AIG1: variants seen among roughly 807,000 people sequenced by gnomAD.
AIG1 encodes the protein androgen-induced gene 1 protein.
Under a neutral mutation model 31.4 loss-of-function variants are expected in AIG1, and 23 were observed. The ratio of observed to expected loss-of-function variants is 0.73; its 90% CI spans 0.53 to 1.04. The LOEUF (loss-of-function observed/expected upper bound fraction) is 1.04, where lower values mean the gene tolerates loss of function less well. AIG1 is among the 50% of genes least tolerant of loss of function. The pLI, the probability that AIG1 is intolerant of heterozygous loss-of-function variation, is 0.00. For synonymous variants in AIG1, 100 were observed against 110.5 expected, an observed-to-expected ratio of 0.90 and a Z score of 0.60; for missense variants, 274 against 295.0, an observed-to-expected ratio of 0.93 and a Z score of 0.52.
chr6:143,166,250 TA>T (rs1786931539), intron 3 of AIG1, among the ~76,000 whole-genome samples: 1 of 152,202 alleles, frequency 6.6e-6, no homozygotes, highest in Non-Finnish European at 1.5e-5. Context: ...CTTGAAGGAT[TA>T]ACATGGCACC....
At chr6:143,233,251 T>C (rs1255884036) in intron 3 of AIG1, among the ~76,000 whole-genome samples, 2 of 152,146 alleles carry the variant, frequency 1.3e-5, no homozygotes, top group Non-Finnish European at 2.9e-5. Context: ...ACTGCAGACA[T>C]TTTTTAAATC....
At chr6:143,114,608 A>G (rs1406144736) in intron 1 of AIG1, among the ~76,000 whole-genome samples, 1 of 152,242 alleles carries the variant, frequency 6.6e-6, no homozygotes, top group Admixed American at 6.5e-5. Context: ...GGTTGTAAGT[A>G]TGTATTTTTC....
chr6:143,303,004 T>C (rs1395687427), intron 4 of AIG1, among the ~76,000 whole-genome samples: 2 of 152,228 alleles, frequency 1.3e-5, no homozygotes, highest in African/African-American at 2.4e-5. Context: ...CATGTGTTTT[T>C]TGGCTGCATA....
chr6:143,252,595 C>CT (rs1795085841), intron 3 of AIG1, among the ~76,000 whole-genome samples: 1 of 152,180 alleles, frequency 6.6e-6, no homozygotes, highest in Non-Finnish European at 1.5e-5. Context: ...ATTAGGGGCC[C>CT]TGTTGAACTG....
At chr6:143,085,482 G>T (rs137979815) in intron 1 of AIG1, among the ~76,000 whole-genome samples, 1 of 152,114 alleles carries the variant, frequency 6.6e-6, no homozygotes, top group Admixed American at 6.5e-5. Flanking sequence ...CTTTTCCAGC[G>T]TGCCCAACAT....
intron 1 of AIG1, among the ~76,000 whole-genome samples, chr6:143,062,566 T>C (rs560958976): frequency 6.6e-6 from 1 of 152,288 alleles, no homozygotes; most frequent in South Asian, 2.1e-4. Context: ...AAAGTCTTAT[T>C]GGGTTGATTG....
chr6:143,343,458 A>G (rs1777897159), downstream of AIG1: 3 of 335,470 alleles, frequency 8.9e-6, no homozygotes, highest in South Asian at 1.2e-4. Context: ...CCCTAGAGTG[A>G]TCATGGCTAC....
rs1789442590 is a variant in AIG1, at chr6:143,188,148, G to A, written c.399+22965G>A. On this transcript the variant is annotated intron_variant, in intron 3 of 5. Coordinates refer to ENST00000357847, the MANE Select transcript of AIG1 (RefSeq NM_016108.4). ...GCCGCAAATGAGGATGAAGTTAATG[G>A]ATAGAGAAAAGATGGGAGGAAGAGG... The A allele has an allele frequency of 3.0e-5, 30 of 1,001,700 alleles. No homozygotes were observed. In the South Asian group the frequency reaches 9.5e-4, roughly 32 times the overall value. 62.1% of individuals were successfully genotyped at this position (1,001,700 alleles called of 1,614,324 possible). A position where few individuals can be genotyped will look rare whatever the true frequency, so the allele number is the denominator to read the frequency against.
At chr6:143,193,438 G>C (rs989345980) in intron 3 of AIG1, among the ~76,000 whole-genome samples, 2 of 152,150 alleles carry the variant, frequency 1.3e-5, no homozygotes, top group African/African-American at 2.4e-5. Flanking sequence ...GAAGTAGTGA[G>C]AATATATAGA....
chr6:143,156,909 G>C lies in AIG1; in HGVS notation c.298-8173G>C, dbSNP rs55936628. 3.6e-3 allele frequency among the ~76,000 whole-genome samples: 555 copies of C among 152,312 alleles called. 1 individual carries two copies. The highest frequency in any genetic ancestry group is 0.013 in the African/African-American group (536 of 41,570). On this transcript the variant is annotated intron_variant, in intron 2 of 5. Transcript: ENST00000357847. ...TTCCCTGTAGCTGAGGGCAACTCCT[G>C]TTGAAGGATGCAGCTAAGAATGGCC...
rs374256666 is a variant in AIG1, at chr6:143,187,847, G to A, written c.399+22664G>A. Reference sequence around the variant, plus strand: ...GCCTTCAAGAAGTGCCATTTCTCAAGCGATGTACAGAAGGGTATCCGCAGC... The same window carrying A: ...GCCTTCAAGAAGTGCCATTTCTCAAACGATGTACAGAAGGGTATCCGCAGC... On this transcript the variant is annotated intron_variant, in intron 3 of 5. Transcript: ENST00000357847. 309 of 1,452,126 alleles carry A rather than the reference G, an allele frequency of 2.1e-4. 6 individuals carry two copies. In the South Asian group the frequency reaches 4.3e-3, roughly 20 times the overall value. The allele number at this position is 1,452,126 out of a possible 1,614,324, so 90.0% of individuals were successfully genotyped here.
At chr6:143,066,633 A>T (rs946339585) in intron 1 of AIG1, among the ~76,000 whole-genome samples, 13 of 152,238 alleles carry the variant, frequency 8.5e-5, no homozygotes, top group Non-Finnish European at 1.5e-4. Flanking sequence ...ATAACAAAAA[A>T]ATGTAAGAAA....
intron 3 of AIG1, among the ~76,000 whole-genome samples, chr6:143,211,690 C>T (rs957334695): frequency 2.6e-5 from 4 of 151,986 alleles, no homozygotes; most frequent in African/African-American, 7.3e-5. Flanking sequence ...GTCAGGAGTT[C>T]GAGACCAGTC....
chr6:143,245,238 A>G (rs1044629838), intron 3 of AIG1, among the ~76,000 whole-genome samples: 3 of 152,214 alleles, frequency 2.0e-5, no homozygotes, highest in African/African-American at 7.2e-5. Flanking sequence ...GCTTACAATA[A>G]CCATTCAAGG....
intron 3 of AIG1, among the ~76,000 whole-genome samples, chr6:143,196,515 T>C (rs1364755546): frequency 6.6e-6 from 1 of 152,132 alleles, no homozygotes; most frequent in Admixed American, 6.6e-5. Flanking sequence ...AGGCATGCCA[T>C]TAGAGATAAG....
In AIG1 at chr6:143,293,792, C is replaced by T. The variant is rs181907736; in HGVS notation, c.515+9567C>T. Among the ~76,000 whole-genome samples, 1 of 152,246 alleles carries T rather than the reference C, an allele frequency of 6.6e-6. No individual in the cohort carries two copies. Among genetic ancestry groups the T allele is most frequent in the East Asian group, 1.9e-4 (1 of 5,164 alleles). On this transcript the variant is annotated intron_variant, in intron 4 of 5. Transcript: ENST00000357847. The surrounding 1 kb of genome is among the most constrained non-coding windows in gnomAD (Gnocchi z 4.8). ...ATCCTTCCCCCACTCCCCAGCTTCC[C>T]TACAGCCATGCCTACACCACTGCTT...
chr6:143,241,102 A>G (rs899647051), intron 3 of AIG1, among the ~76,000 whole-genome samples: 51 of 152,134 alleles, frequency 3.4e-4, no homozygotes, highest in African/African-American at 1.0e-3. Context: ...AAAAAAAAAA[A>G]TCAACAACAA....
chr6:143,200,988 C>T (rs953099052), intron 3 of AIG1, among the ~76,000 whole-genome samples: 1 of 152,232 alleles, frequency 6.6e-6, no homozygotes, highest in African/African-American at 2.4e-5. Context: ...AATTTGGACT[C>T]CCACATCCCT....
intron 1 of AIG1, among the ~76,000 whole-genome samples, chr6:143,128,845 G>A (rs1782935056): frequency 6.6e-6 from 1 of 152,128 alleles, no homozygotes; most frequent in Non-Finnish European, 1.5e-5. Flanking sequence ...TCTTAAATAA[G>A]CAAATAGCCA....
Sources: allele counts gnomAD v4.1 joint callset (sites outside exome capture counted in the v4.1 genomes callset), GRCh38; gene constraint gnomAD v4.1.1; non-coding constraint Gnocchi (gnomAD v3.1); transcripts MANE v1.5; gene names NCBI Gene and HGNC (gene_info 2026-07-23, HGNC 2026-07-21).